The following PTPRR variants were observed in gnomAD, a reference collection of about 807,000 sequenced individuals.
PTPRR encodes the protein receptor-type tyrosine-protein phosphatase R.
A neutral mutation model predicts 77.2 loss-of-function variants in PTPRR; 38 were observed. That is an observed-to-expected ratio of 0.49 (90% CI 0.38 to 0.65). PTPRR has a LOEUF of 0.65. Among genes scored for constraint, PTPRR ranks in the 30% least tolerant of loss-of-function variants. PTPRR has a pLI of 0.00. For missense variants in PTPRR, 744 were observed against 799.2 expected, an observed-to-expected ratio of 0.93 and a Z score of 0.83; for synonymous variants, 299 against 283.1, an observed-to-expected ratio of 1.06 and a Z score of -0.57.
At chr12:70,699,751 T>A (rs1320139400) in intron 7 of PTPRR, among the ~76,000 whole-genome samples, 3 of 152,268 alleles carry the variant, frequency 2.0e-5, no homozygotes, top group African/African-American at 7.2e-5. Flanking sequence ...AATTGTTGAA[T>A]ATTCAATGGA....
chr12:70,853,958 A>C (rs1892612660), intron 2 of PTPRR, among the ~76,000 whole-genome samples: 1 of 152,212 alleles, frequency 6.6e-6, no homozygotes, highest in Non-Finnish European at 1.5e-5. Flanking sequence ...GTGACTCAAC[A>C]ACAAATCTCT....
At chr12:70,877,269 T>C (rs1893067770) in intron 2 of PTPRR, among the ~76,000 whole-genome samples, 1 of 152,120 alleles carries the variant, frequency 6.6e-6, no homozygotes, top group South Asian at 2.1e-4. Context: ...ACCTCCTAAA[T>C]TTGTCCAAGG....
At chr12:70,777,974 T>A (rs946065784) in intron 2 of PTPRR, among the ~76,000 whole-genome samples, 1 of 152,240 alleles carries the variant, frequency 6.6e-6, no homozygotes, top group Admixed American at 6.5e-5. Flanking sequence ...TTCAAATGGA[T>A]TCAATGCTCA....
At chr12:70,905,949 T>C (rs1893615358) in intron 1 of PTPRR, among the ~76,000 whole-genome samples, 1 of 152,004 alleles carries the variant, frequency 6.6e-6, no homozygotes, top group South Asian at 2.1e-4. Context: ...ATGGATAGCA[T>C]CAAGGGCTTC....
chr12:70,884,972 T>G (rs544950322), intron 2 of PTPRR, among the ~76,000 whole-genome samples: 1 of 152,014 alleles, frequency 6.6e-6, no homozygotes, highest in East Asian at 1.9e-4. Flanking sequence ...TAGAATGTTT[T>G]GTATCTTCTA....
At chr12:70,750,543 A>T (rs952730438) in intron 5 of PTPRR, among the ~76,000 whole-genome samples, 1 of 152,204 alleles carries the variant, frequency 6.6e-6, no homozygotes, top group Non-Finnish European at 1.5e-5. Context: ...TTGAACACTT[A>T]GAAAGATGAG....
chr12:70,828,889 C>A (rs371879088), intron 2 of PTPRR, among the ~76,000 whole-genome samples: 84 of 152,320 alleles, frequency 5.5e-4, no homozygotes, highest in African/African-American at 2.0e-3. Context: ...TCTTCTAATT[C>A]ATGATATTTA....
intron 6 of PTPRR, among the ~76,000 whole-genome samples, chr12:70,721,567 T>A (rs1889253778): frequency 6.6e-6 from 1 of 151,904 alleles, no homozygotes; most frequent in South Asian, 2.1e-4. Context: ...TCTGTTTGGG[T>A]TCACCATCAG....
At chr12:70,754,587 G>C in intron 4 of PTPRR, 6 of 1,597,700 alleles carry the variant, frequency 3.8e-6, no homozygotes, top group Non-Finnish European at 5.1e-6. Flanking sequence ...GAAACTACCT[G>C]GTTCATAGGT....
chr12:70,781,391 A>G (rs761581283), intron 2 of PTPRR, among the ~76,000 whole-genome samples: 7 of 152,222 alleles, frequency 4.6e-5, no homozygotes, highest in Non-Finnish European at 1.0e-4. Context: ...GGAGGTTAAG[A>G]AAAATGTGAA....
chr12:70,772,006 C>A (rs998929631), intron 2 of PTPRR, among the ~76,000 whole-genome samples: 22 of 152,032 alleles, frequency 1.4e-4, no homozygotes, highest in African/African-American at 5.1e-4. Flanking sequence ...AAAATAAAAT[C>A]AAATTATGAT....
At chr12:70,903,374 G>A (rs2137129089) in intron 1 of PTPRR, among the ~76,000 whole-genome samples, 1 of 151,680 alleles carries the variant, frequency 6.6e-6, no homozygotes. Context: ...ATAAAATTAT[G>A]ATCTGTCAAT....
At chr12:70,760,266 C>A (rs1890662474) in intron 4 of PTPRR, among the ~76,000 whole-genome samples, 2 of 152,190 alleles carry the variant, frequency 1.3e-5, no homozygotes, top group African/African-American at 2.4e-5. Flanking sequence ...CAAAGGCAGA[C>A]AACCTCACAG....
intron 2 of PTPRR, among the ~76,000 whole-genome samples, chr12:70,771,361 A>G (rs1217797336): frequency 1.3e-5 from 2 of 152,004 alleles, no homozygotes; most frequent in African/African-American, 2.4e-5. Context: ...ACCCATGGAC[A>G]TAAAGATGAG....
chr12:70,851,421 A>G (rs891113916), intron 2 of PTPRR, among the ~76,000 whole-genome samples: 27 of 152,182 alleles, frequency 1.8e-4, no homozygotes, highest in Non-Finnish European at 1.2e-4. Context: ...CGTTTTGGGT[A>G]GAGGTTAAGA....
At position 70,821,213 on chromosome 12, in the gene PTPRR, C is replaced by CTTTTTTTTTTTTTTTTTTTTTTTTTTT. The variant is rs61539990; in HGVS notation, c.358-56462_358-56436dup. Among the ~76,000 whole-genome samples, 25 of 31,990 alleles carry CTTTTTTTTTTTTTTTTTTTTTTTTTTT rather than the reference C, an allele frequency of 7.8e-4. 6 individuals carry two copies. Among genetic ancestry groups the CTTTTTTTTTTTTTTTTTTTTTTTTTTT allele is most frequent in the South Asian group, 5.3e-3 (2 of 376 alleles). The allele number at this position is 31,990 out of a possible 152,430, so 21.0% of individuals were successfully genotyped here. On this transcript the variant is annotated intron_variant, in intron 2 of 13. Coordinates refer to ENST00000283228, the MANE Select transcript of PTPRR (RefSeq NM_002849.4). ...CAAAACATGTTGAAAGGGATCACTG[C>CTTTTTTTTTTTTTTTTTTTTTTTTTTT]TTTTTTTTTTTTTTTTTTTTTTTTT...
intron 2 of PTPRR, among the ~76,000 whole-genome samples, chr12:70,808,934 C>T (rs1272252862): frequency 6.6e-6 from 1 of 152,154 alleles, no homozygotes; most frequent in Admixed American, 6.6e-5. Flanking sequence ...TTGCTCTTTT[C>T]CTGTCCTACA....
intron 10 of PTPRR, among the ~76,000 whole-genome samples, chr12:70,665,921 C>T (rs1396176325): frequency 1.3e-5 from 2 of 152,038 alleles, no homozygotes; most frequent in Non-Finnish European, 2.9e-5. Flanking sequence ...AATCTTCATA[C>T]TTAGCTTCAT....
At chr12:70,854,835 G>T (rs1248026018) in intron 2 of PTPRR, among the ~76,000 whole-genome samples, 2 of 152,190 alleles carry the variant, frequency 1.3e-5, no homozygotes, top group Non-Finnish European at 2.9e-5. Flanking sequence ...TGTTGTGAGG[G>T]TTAAATGTAC....
Sources: gnomAD v4.1 joint callset for allele counts (sites outside exome capture counted in the v4.1 genomes callset) on GRCh38, gnomAD v4.1.1 for gene constraint, MANE v1.5 for transcripts, NCBI Gene and HGNC (gene_info 2026-07-23, HGNC 2026-07-21) for gene names.